Variants in ADRA1B observed in about 807,000 individuals in gnomAD.
ADRA1B encodes adrenoceptor alpha 1B, also known as alpha-1B adrenergic receptor.
A neutral mutation model predicts 17.9 loss-of-function variants in ADRA1B; 17 were observed. The ratio of observed to expected loss-of-function variants is 0.95; its 90% CI spans 0.65 to 1.42. The LOEUF is 1.42. Among genes scored for constraint, ADRA1B ranks in the 40% most tolerant of loss-of-function variants. The probability of loss-of-function intolerance (pLI) is 0.00; values close to 1 mark genes in which losing one functional copy is unlikely to be tolerated. For missense variants in ADRA1B, 681 were observed against 722.1 expected (o/e 0.94, Z 0.65); for synonymous variants, 366 against 327.6 (o/e 1.12, Z -1.27).
chr5:159,908,938 T>G (rs1161579931), intron 1 of ADRA1B, among the ~76,000 whole-genome samples: 2 of 152,124 alleles, frequency 1.3e-5, no homozygotes, highest in Non-Finnish European at 2.9e-5. Context: ...TGCTCCTGTC[T>G]AAAAGTCTCC....
intron 1 of ADRA1B, among the ~76,000 whole-genome samples, chr5:159,889,440 C>G (rs1193911264): frequency 1.3e-5 from 2 of 152,152 alleles, no homozygotes; most frequent in African/African-American, 4.8e-5. Context: ...AAGCCTCTTC[C>G]TATTTGGAGG....
intron 1 of ADRA1B, among the ~76,000 whole-genome samples, chr5:159,872,566 T>A (rs1168666609): frequency 2.0e-5 from 3 of 152,110 alleles, no homozygotes; most frequent in Non-Finnish European, 4.4e-5. Flanking sequence ...ATGCAACTGG[T>A]GAGTATGAGT....
chr5:159,932,530 T>C (rs527835384), intron 1 of ADRA1B, among the ~76,000 whole-genome samples: 1 of 152,326 alleles, frequency 6.6e-6, no homozygotes, highest in South Asian at 2.1e-4. Context: ...AATCCAGTTA[T>C]GTAAACAAGC....
chr5:159,916,905 G>C lies in ADRA1B; in HGVS notation c.-1G>C. On this transcript the variant is annotated 5_prime_UTR_variant, in exon 1 of 2. Transcript: ENST00000306675. ...CCTGGCTATGGAGGGCGGACTCTAAGATGAATCCCGACCTGGACACCGGCC... is the reference window on the plus strand; with the variant it reads ...CCTGGCTATGGAGGGCGGACTCTAACATGAATCCCGACCTGGACACCGGCC... 6.2e-7 allele frequency: 1 copy of C among 1,608,076 alleles called. No homozygotes were observed. The highest frequency in any genetic ancestry group is 8.5e-7 in the Non-Finnish European group (1 of 1,176,814).
At chr5:159,920,699 A>T (rs1370737547) in intron 1 of ADRA1B, among the ~76,000 whole-genome samples, 1 of 152,166 alleles carries the variant, frequency 6.6e-6, no homozygotes, top group African/African-American at 2.4e-5. Context: ...AAGGTACTTA[A>T]TTACTGTTTT....
At chr5:159,872,606 C>T (rs1443495853) in intron 1 of ADRA1B, among the ~76,000 whole-genome samples, 1 of 152,176 alleles carries the variant, frequency 6.6e-6, no homozygotes, top group African/African-American at 2.4e-5. Context: ...CTGTCTGAAT[C>T]ATAAGCCTGA....
chr5:159,873,234 A>C (rs541289503), intron 1 of ADRA1B, among the ~76,000 whole-genome samples: 1 of 152,328 alleles, frequency 6.6e-6, no homozygotes, highest in African/African-American at 2.4e-5. Context: ...TGCAATAAAC[A>C]TAAGTATGCA....
At chr5:159,926,899 T>C (rs1754669034) in intron 1 of ADRA1B, among the ~76,000 whole-genome samples, 1 of 152,016 alleles carries the variant, frequency 6.6e-6, no homozygotes, top group South Asian at 2.1e-4. Flanking sequence ...AAATATTAAA[T>C]TAAATTAAAT....
rs1264821447 is a variant in ADRA1B at position 159,972,423 on chromosome 5, C to G, written c.1494C>G (p.Ala498=). 1 of 1,508,232 alleles carries G rather than the reference C, an allele frequency of 6.6e-7. No individual in the cohort carries two copies. The highest frequency in any genetic ancestry group is 8.8e-7 in the Non-Finnish European group (1 of 1,134,544). The allele number at this position is 1,508,232 out of a possible 1,614,324, so 93.4% of individuals were successfully genotyped here. ...DGGASNGGCE[A]AADVANGQPG... is the part of the protein sequence containing the mutation. ...GCGCCAGCAACGGAGGCTGCGAGGC[C>G]GCGGCCGACGTGGCCAACGGGCAGC... is the stretch of plus-strand genomic sequence containing the variant. The change falls in exon 2 of 2, where the codon GCC becomes GCG. Residue 498 remains alanine, a synonymous_variant. Coordinates refer to ENST00000306675, the MANE Select transcript of ADRA1B (RefSeq NM_000679.4).
rs35928792 is a variant in ADRA1B at position 159,881,180 on chromosome 5, CAAAAAAAAAAAAA to C, written c.-256+15989_-256+16001del. Reference sequence around the variant, plus strand: ...TGGGCGACAGAGCGAGACTCCGTCTCAAAAAAAAAAAAAAAAAAAAAAAAAAATTCTGGCATGA... The same window carrying C: ...TGGGCGACAGAGCGAGACTCCGTCTCAAAAAAAAAAAAAATTCTGGCATGA... On this transcript the variant is annotated intron_variant, in intron 1 of 2. Transcript: ENST00000641205. Among the ~76,000 whole-genome samples the C allele has an allele frequency of 4.3e-3, 245 of 56,828 alleles. No homozygotes were observed. The South Asian group carries it at 0.084, about 19-fold the overall frequency. The allele number at this position is 56,828 out of a possible 152,430, so 37.3% of individuals were successfully genotyped here.
chr5:159,881,731 G>C (rs1251263336), intron 1 of ADRA1B, among the ~76,000 whole-genome samples: 1 of 152,156 alleles, frequency 6.6e-6, no homozygotes, highest in East Asian at 1.9e-4. Context: ...TAGAAATGCT[G>C]ACATCTCTTG....
At chr5:159,912,003 A>G (rs568598688), upstream of ADRA1B, among the ~76,000 whole-genome samples, 1 of 152,298 alleles carries the variant, frequency 6.6e-6, no homozygotes, top group East Asian at 1.9e-4. Flanking sequence ...TCAAATGTCA[A>G]TAATAATAGT....
intron 1 of ADRA1B, chr5:159,866,951 G>A (rs1310452847): frequency 1.3e-5 from 2 of 152,196 alleles, no homozygotes. Flanking sequence ...AACTGAGAGA[G>A]ATTTCTCAGC....
At chr5:159,883,793 C>A (rs994952895) in intron 1 of ADRA1B, among the ~76,000 whole-genome samples, 6 of 152,224 alleles carry the variant, frequency 3.9e-5, no homozygotes, top group African/African-American at 1.4e-4. Context: ...TTGCCAGATT[C>A]CAGAGACTTC....
the ADRA1B span, among the ~76,000 whole-genome samples, chr5:159,981,142 A>C: frequency 1.3e-5 from 2 of 152,178 alleles, no homozygotes; most frequent in African/African-American, 4.8e-5. Flanking sequence ...ATACATAGAG[A>C]AATACAGATA....
chr5:159,916,357 G>T (rs1554089101), upstream of ADRA1B: 2 of 151,626 alleles, frequency 1.3e-5, no homozygotes, highest in Non-Finnish European at 2.9e-5. Context: ...GGGGGACGCG[G>T]CTGGCTTCCC....
At chr5:159,910,885 G>GT (rs1242183556) in intron 1 of ADRA1B, among the ~76,000 whole-genome samples, 1 of 152,026 alleles carries the variant, frequency 6.6e-6, no homozygotes, top group Non-Finnish European at 1.5e-5. Context: ...ATTTTTTGCT[G>GT]TTTTTTTGTT....
In ADRA1B at chr5:159,950,547, A is replaced by G. The variant is rs558717460; in HGVS notation, c.950-21332A>G. The G allele has an allele frequency of 6.0e-6, 9 of 1,506,694 alleles. No homozygotes were observed. The Admixed American group carries it at 6.7e-5, about 11-fold the overall frequency. 93.3% of individuals were successfully genotyped at this position (1,506,694 alleles called of 1,614,324 possible). A position where few individuals can be genotyped will look rare whatever the true frequency, so the allele number is the denominator to read the frequency against. On this transcript the variant is annotated intron_variant, in intron 1 of 1. Transcript: ENST00000306675. ...GGTCCACCACCCTGTTGCTGTAGCCAAATTCGTTGTCATACCAGGAAATGA... is the reference window on the plus strand; with the variant it reads ...GGTCCACCACCCTGTTGCTGTAGCCGAATTCGTTGTCATACCAGGAAATGA...
chr5:159,973,135 T>C (rs1755919248), downstream of ADRA1B, among the ~76,000 whole-genome samples: 1 of 152,146 alleles, frequency 6.6e-6, no homozygotes, highest in African/African-American at 2.4e-5. Flanking sequence ...TGCCCTCCAG[T>C]CTCCACCCCA....
Sources: allele counts gnomAD v4.1 joint callset (sites outside exome capture counted in the v4.1 genomes callset), GRCh38; gene constraint gnomAD v4.1.1; transcripts MANE v1.5; gene names NCBI Gene and HGNC (gene_info 2026-07-23, HGNC 2026-07-21).